The following TRIP12 variants were observed in gnomAD, a reference collection of about 807,000 sequenced individuals.
TRIP12 encodes thyroid hormone receptor interactor 12.
Under a neutral mutation model 244.2 loss-of-function variants are expected in TRIP12, and 25 were observed. The ratio of observed to expected loss-of-function variants is 0.10; its 90% CI spans 0.07 to 0.14. TRIP12 has a LOEUF of 0.14. Ranked by LOEUF, TRIP12 falls within the 10% of genes least tolerant of loss-of-function variation. The probability of loss-of-function intolerance (pLI) is 1.00; values close to 1 mark genes in which losing one functional copy is unlikely to be tolerated. For missense variants in TRIP12, 1,677 were observed against 2,486.4 expected (o/e 0.67, Z 6.92); for synonymous variants, 905 against 873.1 (o/e 1.04, Z -0.64).
intron 19 of TRIP12, 91 bp from the exon 20 acceptor site, chr2:229,803,780 T>C: frequency 1.0e-6 from 1 of 996,540 alleles, no homozygotes; most frequent in African/African-American, 1.6e-5. Flanking sequence ...CAAAGCATTT[T>C]CATTGTGAAA....
At chr2:229,785,355 T>C (rs1410509778) in intron 34 of TRIP12, among the ~76,000 whole-genome samples, 1 of 152,252 alleles carries the variant, frequency 6.6e-6, no homozygotes, top group Non-Finnish European at 1.5e-5. Flanking sequence ...CAGAGTATTC[T>C]TTATCTTGAC....
In TRIP12 at chr2:229,823,501, T is replaced by C. The variant is rs564306121; in HGVS notation, c.1451-4989A>G. 2.6e-5 allele frequency among the ~76,000 whole-genome samples: 4 copies of C among 151,748 alleles called. No individual in the cohort carries two copies. In the East Asian group the frequency reaches 7.8e-4, roughly 29 times the overall value. Reference sequence around the variant, plus strand: ...CATCCTGGCTAACACGGTGAAACCCTATCTCTACCAAAAATAAAAAAAAAA... The same window carrying C: ...CATCCTGGCTAACACGGTGAAACCCCATCTCTACCAAAAATAAAAAAAAAA... On this transcript the variant is annotated intron_variant, in intron 8 of 41. Transcript: ENST00000675903.
intron 4 of TRIP12, among the ~76,000 whole-genome samples, chr2:229,855,603 T>TAAAAAAAAAAAA (rs1166000961): frequency 3.3e-4 from 29 of 88,650 alleles, no homozygotes; most frequent in Middle Eastern, 6.4e-3. Flanking sequence ...AACAAGGGTT[T>TAAAAAAAAAAAA]AAAAAAAAAA....
chr2:229,864,138 G>GAA (rs199502835), intron 2 of TRIP12, among the ~76,000 whole-genome samples: 4 of 147,774 alleles, frequency 2.7e-5, no homozygotes, highest in African/African-American at 1.0e-4. Context: ...GGGTATTCCT[G>GAA]AAAAAAAAAC....
intron 1 of TRIP12, among the ~76,000 whole-genome samples, chr2:229,908,523 T>A (rs974555207): frequency 6.6e-6 from 1 of 151,296 alleles, no homozygotes; most frequent in African/African-American, 2.4e-5. Flanking sequence ...GGCAGGCGGA[T>A]CACAAGATCA....
intron 4 of TRIP12, among the ~76,000 whole-genome samples, chr2:229,855,622 A>AG (rs1348311163): frequency 4.6e-5 from 6 of 131,406 alleles, no homozygotes; most frequent in African/African-American, 1.0e-4. Context: ...AAAAAAAAAA[A>AG]AAGAGAAAAG....
At chr2:229,911,467 G>A (rs1322147629) in intron 1 of TRIP12, among the ~76,000 whole-genome samples, 3 of 152,128 alleles carry the variant, frequency 2.0e-5, no homozygotes, top group South Asian at 2.1e-4. Context: ...AAAAGTAATG[G>A]TATCTGTTAA....
chr2:229,786,209 T>C (rs1056767014), intron 33 of TRIP12, among the ~76,000 whole-genome samples: 2 of 152,088 alleles, frequency 1.3e-5, no homozygotes, highest in South Asian at 2.1e-4. Context: ...TATATTTAGA[T>C]AGAGAAATAG....
In TRIP12 at chr2:229,860,118, T is replaced by C. The variant is rs79666949; in HGVS notation, c.224+288A>G. Among the ~76,000 whole-genome samples, 8 of 151,998 alleles carry C rather than the reference T, an allele frequency of 5.3e-5. No individual in the cohort carries two copies. In the East Asian group the frequency reaches 1.5e-3, roughly 29 times the overall value. Reference sequence around the variant, plus strand: ...CTGACAATAAAAACTAAAAAAAAGATTAAAAAATAAAAAGAAATAAAAAAT... The same window carrying C: ...CTGACAATAAAAACTAAAAAAAAGACTAAAAAATAAAAAGAAATAAAAAAT... On this transcript the variant is annotated intron_variant, in intron 3 of 41. Coordinates refer to ENST00000675903, the MANE Select transcript of TRIP12 (RefSeq NM_001348323.3).
At chr2:229,902,333 T>C (rs2154370584) in intron 1 of TRIP12, among the ~76,000 whole-genome samples, 1 of 152,096 alleles carries the variant, frequency 6.6e-6, no homozygotes, top group East Asian at 1.9e-4. Flanking sequence ...TGAGCCGAGA[T>C]CGCGCCACTC....
At position 229,859,411 on chromosome 2, in the gene TRIP12, A is replaced by G. The variant is rs1171600139; in HGVS notation, c.388T>C (p.Ser130Pro). 1.2e-6 allele frequency: 2 copies of G among 1,614,048 alleles called. No homozygotes were observed. Among genetic ancestry groups the G allele is most frequent in the South Asian group, 1.1e-5 (1 of 91,078 alleles). ...TGAAGTGCTTTTGGTTTTTTTGCAG[A>G]GCTAGGAGAATTGGTCCTGTTGTAG... ...PDYNRTNSPS[S>P]AKKPKALQHT... Residue 130 changes from serine (S) to proline (P), a missense_variant, in exon 4 of 42, where the codon TCT (serine) becomes CCT (proline). Coordinates refer to ENST00000675903, the MANE Select transcript of TRIP12 (RefSeq NM_001348323.3).
intron 1 of TRIP12, among the ~76,000 whole-genome samples, chr2:229,911,683 AG>A (rs2074306554): frequency 6.6e-6 from 1 of 152,218 alleles, no homozygotes; most frequent in Non-Finnish European, 1.5e-5. Flanking sequence ...CACATTACTA[AG>A]TGCCCCATAA....
In TRIP12 at chr2:229,802,421, A is replaced by T. The variant is rs753249471; in HGVS notation, c.3037T>A (p.Ser1013Thr). The change falls in exon 21 of 42, where the codon TCT (serine) becomes ACT (threonine). Residue 1013 changes from serine (S) to threonine (T), a missense_variant. This residue lies in a region of TRIP12 where 572 missense variants were observed against 867.8 expected (regional missense o/e 0.66). Coordinates refer to ENST00000675903, the MANE Select transcript of TRIP12 (RefSeq NM_001348323.3). Reference protein sequence around the residue: ...HQVKHLAESESLLTSPPKACT... With the variant: ...HQVKHLAESETLLTSPPKACT... ...GCCTTTGGTGGACTTGTCAACAAAG[A>T]CTCTGATTCTGCTAAGTGTTTTACT... The T allele has an allele frequency of 1.2e-6, 2 of 1,613,750 alleles. No individual in the cohort carries two copies. The highest frequency in any genetic ancestry group is 2.7e-5 in the African/African-American group (2 of 74,886).
At chr2:229,922,567 G>A (rs1279299780), upstream of TRIP12, 5 of 1,614,086 alleles carry the variant, frequency 3.1e-6, no homozygotes, top group Non-Finnish European at 3.4e-6. Context: ...AAGGCCCGCC[G>A]CCTAGCAAAG....
chr2:229,911,792 T>G (rs2074334713), intron 1 of TRIP12, among the ~76,000 whole-genome samples: 1 of 152,140 alleles, frequency 6.6e-6, no homozygotes, highest in Non-Finnish European at 1.5e-5. Flanking sequence ...TATTAGAATA[T>G]TTAATTTGAT....
At chr2:229,905,134 C>T (rs144677883) in intron 1 of TRIP12, among the ~76,000 whole-genome samples, 1,972 of 152,188 alleles carry the variant, frequency 0.013, 18 homozygotes, top group Non-Finnish European at 0.018. Flanking sequence ...ATTAGCTGAG[C>T]GTGGTGGCAC....
chr2:229,880,050 C>T lies in TRIP12; in HGVS notation c.30G>A (p.Gly10=). ...TCCTCTGTGAACGTCGCAGTGACCC[C>T]CCTGGATTGTTATTAGGCCGGTTGG... MSNRPNNNP[G]GSLRRSQRNT... The change falls in exon 2 of 42, where the codon GGG becomes GGA. Residue 10 remains glycine, a synonymous_variant. Coordinates refer to ENST00000675903, the MANE Select transcript of TRIP12 (RefSeq NM_001348323.3). 6.2e-7 allele frequency: 1 copy of T among 1,614,070 alleles called. No individual in the cohort carries two copies. The highest frequency in any genetic ancestry group is 8.5e-7 in the Non-Finnish European group (1 of 1,180,016).
At chr2:229,905,209 C>A (rs947308275) in intron 1 of TRIP12, among the ~76,000 whole-genome samples, 1 of 149,988 alleles carries the variant, frequency 6.7e-6, no homozygotes, top group East Asian at 2.0e-4. Flanking sequence ...GGGAGGCAGA[C>A]GTTGCGGTGA....
intron 6 of TRIP12, among the ~76,000 whole-genome samples, chr2:229,835,060 C>T (rs1284973298): frequency 2.6e-5 from 4 of 152,112 alleles, no homozygotes; most frequent in Non-Finnish European, 4.4e-5. Flanking sequence ...CATGCAGAAA[C>T]TAAAGCACAT....
Sources: gnomAD v4.1 joint callset for allele counts (sites outside exome capture counted in the v4.1 genomes callset) on GRCh38, gnomAD v4.1.1 for gene constraint, gnomAD v4.1.1 regional missense constraint, MANE v1.5 for transcripts, NCBI Gene and HGNC (gene_info 2026-07-23, HGNC 2026-07-21) for gene names.